TLN2: variants seen among roughly 807,000 people sequenced by gnomAD.
The protein encoded by TLN2 is talin-2.
TLN2 carries 118 observed loss-of-function variants against 294.7 expected under a neutral mutation model. The ratio of observed to expected loss-of-function variants is 0.40; its 90% confidence interval spans 0.34 to 0.47. The LOEUF (loss-of-function observed/expected upper bound fraction) is 0.47. Ranked by LOEUF, TLN2 falls within the 20% of genes least tolerant of loss-of-function variation. The pLI, the probability that TLN2 is intolerant of heterozygous loss-of-function variation, is 0.84. For missense variants in TLN2, 3,083 were observed against 3,282.2 expected, an observed-to-expected ratio of 0.94 and a Z score of 1.48; for synonymous variants, 1,431 against 1,304.5, an observed-to-expected ratio of 1.10 and a Z score of -2.09.
At position 62,583,199 on chromosome 15, in the gene TLN2, G is replaced by A. The variant is rs117233280; in HGVS notation, c.-237-6488G>A. 9.0e-3 allele frequency among the ~76,000 whole-genome samples: 1,375 copies of A among 152,280 alleles called. 10 individuals are homozygous for A. Among genetic ancestry groups the A allele is most frequent in the Non-Finnish European group, 0.013 (918 of 68,008 alleles). The stretch of plus-strand genomic sequence containing the variant: ...AATTTAATAGTATAGGATATTTCTT[G>A]ATACCCATATTCCATGGCCAGTTGC... On this transcript the variant is annotated intron_variant, in intron 1 of 58. Transcript: ENST00000636159.
At chr15:62,573,148 C>T (rs1466059426) in intron 1 of TLN2, among the ~76,000 whole-genome samples, 13 of 152,176 alleles carry the variant, frequency 8.5e-5, no homozygotes, top group Non-Finnish European at 1.8e-4. Context: ...TGTGGTTTCC[C>T]CAGAAATGCT....
At chr15:62,772,184 C>G (rs549133987) in intron 42 of TLN2, among the ~76,000 whole-genome samples, 3 of 152,154 alleles carry the variant, frequency 2.0e-5, no homozygotes, top group East Asian at 1.9e-4. Context: ...CTCAAACTCC[C>G]GGCCTCGAGC....
intron 2 of TLN2, among the ~76,000 whole-genome samples, chr15:62,608,305 G>A (rs35406040): frequency 0.01 from 1,551 of 152,220 alleles, 17 homozygotes; most frequent in Non-Finnish European, 0.015. Context: ...ATAAGGGGTG[G>A]GGGTGGTGTT....
chr15:62,448,376 G>C (rs2035934483), intron 1 of TLN2, among the ~76,000 whole-genome samples: 1 of 152,180 alleles, frequency 6.6e-6, no homozygotes, highest in African/African-American at 2.4e-5. Flanking sequence ...AGAAATGCAT[G>C]ATCATATTAG....
intron 1 of TLN2, among the ~76,000 whole-genome samples, chr15:62,395,182 G>A (rs2032436785): frequency 7.0e-6 from 1 of 143,094 alleles, no homozygotes; most frequent in Non-Finnish European, 1.5e-5. Flanking sequence ...GTTCCGAGGA[G>A]GTGATACTCT....
chr15:62,459,206 T>C (rs1227974316), intron 1 of TLN2, among the ~76,000 whole-genome samples: 1 of 152,044 alleles, frequency 6.6e-6, no homozygotes, highest in African/African-American at 2.4e-5. Context: ...TTCACCATGT[T>C]GGCCAGGGTG....
intron 1 of TLN2, among the ~76,000 whole-genome samples, chr15:62,496,082 C>T (rs1017097771): frequency 2.6e-5 from 4 of 152,186 alleles, no homozygotes; most frequent in African/African-American, 9.7e-5. Context: ...TGGAAAGGGT[C>T]AGGGTGGATT....
At chr15:62,757,718 G>A (rs939034658) in intron 37 of TLN2, among the ~76,000 whole-genome samples, 7 of 152,122 alleles carry the variant, frequency 4.6e-5, no homozygotes, top group Admixed American at 2.0e-4. Context: ...GAGGAATGTC[G>A]GGGGGTTGTA....
intron 32 of TLN2, among the ~76,000 whole-genome samples, chr15:62,746,187 A>G (rs2061598555): frequency 6.6e-6 from 1 of 152,182 alleles, no homozygotes; most frequent in South Asian, 2.1e-4. Context: ...CAGGAAACAC[A>G]GAGAGAATTA....
In TLN2 at chr15:62,463,220, A is replaced by G. The variant is rs185539989; in HGVS notation, c.-238+72535A>G. ...ACTGTCCCTCTTACAGAGCAAGGCT[A>G]CAGCCACCCACTGACTTCCCACTTT... is the stretch of plus-strand genomic sequence containing the variant. On this transcript the variant is annotated intron_variant, in intron 1 of 58. Transcript: ENST00000636159. Among the ~76,000 whole-genome samples the G allele has an allele frequency of 4.7e-3, 718 of 152,338 alleles. 8 individuals are homozygous for G. Among genetic ancestry groups the G allele is most frequent in the African/African-American group, 0.016 (685 of 41,578 alleles).
rs1396681646 is a variant in TLN2, at chr15:62,588,689, TATATATATATATATATATGAA to T, written c.-237-992_-237-972del. On this transcript the variant is annotated intron_variant, in intron 1 of 58. Transcript: ENST00000636159. ...TCATATATATATATATATATATATA[TATATATATATATATATATGAA>T]ATATACATATGAAGGCCTTTTTAAG... Among the ~76,000 whole-genome samples the T allele has an allele frequency of 3.7e-5, 5 of 135,806 alleles. No homozygotes were observed. The East Asian group carries it at 1.0e-3, about 28-fold the overall frequency. The allele number at this position is 135,806 out of a possible 152,430, so 89.1% of individuals were successfully genotyped here. A position where few individuals can be genotyped will look rare whatever the true frequency, so the allele number is the denominator to read the frequency against.
At chr15:62,480,794 A>G (rs573236616) in intron 1 of TLN2, among the ~76,000 whole-genome samples, 15 of 152,246 alleles carry the variant, frequency 9.9e-5, no homozygotes, top group African/African-American at 3.4e-4. Context: ...ACAATGTAAT[A>G]TAAATTTTAG....
intron 3 of TLN2, among the ~76,000 whole-genome samples, chr15:62,627,415 A>G (rs1430279420): frequency 6.6e-6 from 1 of 152,214 alleles, no homozygotes. Flanking sequence ...GGGCTAGCCA[A>G]AGAGGGAATT....
intron 11 of TLN2, among the ~76,000 whole-genome samples, chr15:62,677,805 A>AATTTTTTTTTTTTTTT (rs1555466874): frequency 1.8e-4 from 2 of 11,146 alleles, no homozygotes; most frequent in African/African-American, 2.8e-4. Context: ...AGCACTTGCA[A>AATTTTTTTTTTTTTTT]CTTTTTTTTT....
intron 22 of TLN2, 139 bp from the exon 23 acceptor site, chr15:62,716,192 T>A: frequency 9.0e-7 from 1 of 1,107,306 alleles, no homozygotes; most frequent in Non-Finnish European, 1.2e-6. Flanking sequence ...AGGAAACATC[T>A]TCATCATAAA....
At chr15:62,555,299 T>C (rs1209163949) in intron 1 of TLN2, among the ~76,000 whole-genome samples, 1 of 152,246 alleles carries the variant, frequency 6.6e-6, no homozygotes, top group Admixed American at 6.5e-5. Context: ...CATTTGTGAA[T>C]ATTTATGAAA....
chr15:62,411,875 C>A (rs566373104), intron 1 of TLN2, among the ~76,000 whole-genome samples: 1 of 152,194 alleles, frequency 6.6e-6, no homozygotes, highest in African/African-American at 2.4e-5. Flanking sequence ...ACAAGGGGAC[C>A]CACGGGTTGT....
At chr15:62,656,477 T>A (rs996117638) in intron 8 of TLN2, among the ~76,000 whole-genome samples, 14 of 152,240 alleles carry the variant, frequency 9.2e-5, no homozygotes, top group African/African-American at 3.1e-4. Flanking sequence ...AACTGGAAGA[T>A]ATCCTCTCAA....
chr15:62,568,433 G>C (rs907207144), intron 1 of TLN2, among the ~76,000 whole-genome samples: 5 of 152,170 alleles, frequency 3.3e-5, no homozygotes, highest in African/African-American at 9.7e-5. Flanking sequence ...ATTATTTTTG[G>C]TCTATAGGTA....
Sources: allele counts gnomAD v4.1 joint callset (sites outside exome capture counted in the v4.1 genomes callset), GRCh38; gene constraint gnomAD v4.1.1; transcripts MANE v1.5; gene names NCBI Gene and HGNC (gene_info 2026-07-23, HGNC 2026-07-21).